DNAJC6: variants seen among roughly 807,000 people sequenced by gnomAD.
DNAJC6 encodes the protein DnaJ heat shock protein family (Hsp40) member C6, also known as auxilin.
DNAJC6 carries 34 observed loss-of-function variants against 110.0 expected under a neutral mutation model. The ratio of observed to expected loss-of-function variants is 0.31; its 90% CI spans 0.24 to 0.41. The LOEUF (loss-of-function observed/expected upper bound fraction) is 0.41, where lower values mean the gene tolerates loss of function less well. Among genes scored for constraint, DNAJC6 ranks in the 10% least tolerant of loss-of-function variants. The probability of loss-of-function intolerance (pLI) is 1.00; values close to 1 mark genes in which losing one functional copy is unlikely to be tolerated. For synonymous variants in DNAJC6, 406 were observed against 437.2 expected (o/e 0.93, Z 0.89); for missense variants, 1,031 against 1,207.8 (o/e 0.85, Z 2.17).
At chr1:65,409,241 C>T (rs1048645836) in intron 17 of DNAJC6, among the ~76,000 whole-genome samples, 7 of 152,292 alleles carry the variant, frequency 4.6e-5, no homozygotes, top group Middle Eastern at 3.4e-3. Context: ...TACATTCAGA[C>T]CATATCACCT....
At chr1:65,346,387 AT>A (rs5774750) in intron 1 of DNAJC6, among the ~76,000 whole-genome samples, 18,037 of 151,140 alleles carry the variant, frequency 0.12, 1,753 homozygotes, top group East Asian at 0.41. Context: ...CTGATAATCC[AT>A]TTTTTTTTTG....
intron 1 of DNAJC6, among the ~76,000 whole-genome samples, chr1:65,270,290 A>G (rs79995240): frequency 0.016 from 2,475 of 152,252 alleles, 62 homozygotes; most frequent in African/African-American, 0.058. Flanking sequence ...TGAAACGTAT[A>G]TGTATATATA....
intron 7 of DNAJC6, 28 bp downstream of exon 7, chr1:65,385,934 A>T (rs1243425284): frequency 6.5e-7 from 1 of 1,546,532 alleles, no homozygotes; most frequent in Admixed American, 1.7e-5. Context: ...ACTTCTTCCT[A>T]TGTACTTCTC....
intron 5 of DNAJC6, among the ~76,000 whole-genome samples, chr1:65,380,890 G>GTTTTTTTTGTTTTGTTTTTTTTTTT (rs1557551919): frequency 2.5e-5 from 3 of 118,784 alleles, no homozygotes; most frequent in African/African-American, 1.2e-4. Context: ...GGGGGAGGGA[G>GTTTTTTTTGTTTTGTTTTTTTTTTT]TTTTTTTTTT....
In DNAJC6 at chr1:65,366,035, A is replaced by C; in HGVS notation, c.395-13A>C. On this transcript the variant is annotated splice_polypyrimidine_tract_variant and intron_variant, in intron 3 of 18. Transcript: ENST00000371069. ...ATTTAACCTGTTTTCTTTCTGTGTG[A>C]TCTCTCTCCTAGTGATGTCCTTTCC... 1 of 1,613,544 alleles carries C rather than the reference A, an allele frequency of 6.2e-7. No homozygotes were observed. The highest frequency in any genetic ancestry group is 1.7e-4 in the Middle Eastern group (1 of 6,052).
intron 5 of DNAJC6, among the ~76,000 whole-genome samples, chr1:65,380,911 GTTTTGTTTTGTT>G (rs1645812634): frequency 2.6e-5 from 3 of 114,908 alleles, no homozygotes; most frequent in African/African-American, 1.3e-4. Context: ...TTTGTTTTTT[GTTTTGTTTTGTT>G]TTTTTTTTTT....
chr1:65,397,247 C>T (rs1227177072), intron 13 of DNAJC6, among the ~76,000 whole-genome samples: 1 of 149,528 alleles, frequency 6.7e-6, no homozygotes. Context: ...ATAGGTGACA[C>T]TCAGATGTCT....
At chr1:65,376,488 T>C (rs1645767668) in intron 4 of DNAJC6, among the ~76,000 whole-genome samples, 1 of 151,926 alleles carries the variant, frequency 6.6e-6, no homozygotes, top group Non-Finnish European at 1.5e-5. Context: ...GGTTGTTAAT[T>C]TGAAGTCTTT....
At chr1:65,407,577 G>C (rs1457093006) in intron 16 of DNAJC6, among the ~76,000 whole-genome samples, 1 of 152,144 alleles carries the variant, frequency 6.6e-6, no homozygotes, top group African/African-American at 2.4e-5. Context: ...TCAGTTGTCG[G>C]GGATATGTAA....
chr1:65,340,279 G>T (rs1325609), intron 1 of DNAJC6, among the ~76,000 whole-genome samples: 1 of 152,058 alleles, frequency 6.6e-6, no homozygotes, highest in African/African-American at 2.4e-5. Flanking sequence ...TGTTGTGCTG[G>T]CCACATTGTA....
rs1388932074 is a variant in DNAJC6 at position 65,354,663 on chromosome 1, G to A, written c.194-9972G>A. ...AACAACCTGAAAAGTGAGTGTGGAC[G>A]TACTCATGTGTGCACGTACAGATTT... On this transcript the variant is annotated intron_variant, in intron 1 of 18. Transcript: ENST00000371069. Among the ~76,000 whole-genome samples, 4 of 152,242 alleles carry A rather than the reference G, an allele frequency of 2.6e-5. No homozygotes were observed. The South Asian group carries it at 8.3e-4, about 32-fold the overall frequency.
In DNAJC6 at chr1:65,392,458, A is replaced by G; in HGVS notation, c.1496A>G (p.Glu499Gly). 1.2e-6 allele frequency: 2 copies of G among 1,607,580 alleles called. No individual in the cohort carries two copies. The highest frequency in any genetic ancestry group is 1.7e-6 in the Non-Finnish European group (2 of 1,176,358). ...CAGAAATCGGAGAAGTCATTCTGTG[A>G]GGAGGACCACGCTGCCCTAGTGAAT... The part of the protein sequence containing the change: ...QDQKSEKSFC[E>G]EDHAALVNQE... Residue 499 changes from glutamate (E) to glycine (G), a missense_variant, in exon 12 of 19, where the codon GAG becomes GGG. By Grantham distance (98) the Glu-to-Gly change is moderately conservative (BLOSUM62 -2). Coordinates refer to ENST00000371069, the MANE Select transcript of DNAJC6 (RefSeq NM_001256864.2).
intron 6 of DNAJC6, among the ~76,000 whole-genome samples, chr1:65,384,955 G>A (rs1462413277): frequency 6.6e-6 from 1 of 152,196 alleles, no homozygotes; most frequent in East Asian, 1.9e-4. Flanking sequence ...TACAGGTGAG[G>A]AAACTGGGAC....
In DNAJC6 at chr1:65,414,378, C is replaced by T. The variant is rs1013149140; in HGVS notation, c.*1353C>T. The T allele has an allele frequency of 2.0e-5, 3 of 152,600 alleles. No homozygotes were observed. Among genetic ancestry groups the T allele is most frequent in the African/African-American group, 7.2e-5 (3 of 41,436 alleles). 9.5% of individuals were successfully genotyped at this position (152,600 alleles called of 1,614,324 possible). ...GTGCACATATACAATGTGCATTATA[C>T]ATATATATTAAATATATCCACAAAG... On this transcript the variant is annotated 3_prime_UTR_variant, in exon 19 of 19. Coordinates refer to ENST00000371069, the MANE Select transcript of DNAJC6 (RefSeq NM_001256864.2).
chr1:65,291,360 G>A (rs1557501049), intron 1 of DNAJC6, among the ~76,000 whole-genome samples: 1 of 152,168 alleles, frequency 6.6e-6, no homozygotes, highest in Admixed American at 6.6e-5. Context: ...CATTAGATAT[G>A]TAGATATTCA....
At position 65,309,848 on chromosome 1, in the gene DNAJC6, G is replaced by T; in HGVS notation, c.103G>T (p.Val35Phe). 1 of 1,548,788 alleles carries T rather than the reference G, an allele frequency of 6.5e-7. No homozygotes were observed. Among genetic ancestry groups the T allele is most frequent in the Middle Eastern group, 1.7e-4 (1 of 5,990 alleles). The stretch of plus-strand genomic sequence containing the variant: ...GGACTTAAGTGCGGGAAGCGGCGGG[G>T]TTGGCGGCAAGCAGAGAGTGAACGC... Reference protein sequence around the residue: ...NGDLSAGSGGVGGKQRVNAGA... With the variant: ...NGDLSAGSGGFGGKQRVNAGA... Residue 35 changes from valine to phenylalanine, a missense_variant, in exon 1 of 19, where the codon GTT (valine) becomes TTT (phenylalanine). Transcript: ENST00000371069.
At chr1:65,368,573 CTCT>C (rs1645671555) in intron 4 of DNAJC6, among the ~76,000 whole-genome samples, 1 of 136,214 alleles carries the variant, frequency 7.3e-6, no homozygotes, top group African/African-American at 3.2e-5. Context: ...TCCTTCTTTC[CTCT>C]TCTTCCTCCT....
chr1:65,344,191 A>G lies in DNAJC6; in HGVS notation c.194-20444A>G, dbSNP rs17127537. On this transcript the variant is annotated intron_variant, in intron 1 of 18. Transcript: ENST00000371069. The stretch of plus-strand genomic sequence containing the variant: ...CCACCAGGGTGCAGCCTGCAGAAGG[A>G]AAGTCACACAGCTCTTTCCTCCCTC... 8.1e-3 allele frequency among the ~76,000 whole-genome samples: 1,230 copies of G among 152,302 alleles called. 15 individuals are homozygous for G. The highest frequency in any genetic ancestry group is 0.028 in the African/African-American group (1,178 of 41,548).
At chr1:65,398,496 A>G (rs538065762) in intron 13 of DNAJC6, among the ~76,000 whole-genome samples, 59 of 152,354 alleles carry the variant, frequency 3.9e-4, no homozygotes, top group South Asian at 1.0e-3. Context: ...GGGACTGACA[A>G]TTGAATGGAG....
Sources: gnomAD v4.1 joint callset for allele counts (sites outside exome capture counted in the v4.1 genomes callset) on GRCh38, gnomAD v4.1.1 for gene constraint, MANE v1.5 for transcripts, NCBI Gene and HGNC (gene_info 2026-07-23, HGNC 2026-07-21) for gene names.